The following CHD6 variants were observed in gnomAD, a reference collection of about 807,000 sequenced individuals.
The protein encoded by CHD6 is ATP-dependent chromatin remodeler CHD6.
In CHD6, 50 loss-of-function variants were observed where a neutral mutation model predicts 276.9. That is an observed-to-expected ratio of 0.18 (90% CI 0.14 to 0.23). The LOEUF is 0.23. Among genes scored for constraint, CHD6 ranks in the 10% least tolerant of loss-of-function variants. The pLI is 1.00. For synonymous variants in CHD6, 1,173 were observed against 1,229.3 expected, an observed-to-expected ratio of 0.95 and a Z score of 0.96; for missense variants, 2,564 against 3,365.8, an observed-to-expected ratio of 0.76 and a Z score of 5.89.
At chr20:41,453,212 G>A (rs1374769883) in intron 20 of CHD6, among the ~76,000 whole-genome samples, 1 of 151,950 alleles carries the variant, frequency 6.6e-6, no homozygotes, top group Non-Finnish European at 1.5e-5. Context: ...CCCGGGGTGT[G>A]GGCAGGCAAG....
intron 1 of CHD6, among the ~76,000 whole-genome samples, chr20:41,611,733 G>GT (rs1431858480): frequency 6.6e-6 from 1 of 152,064 alleles, no homozygotes; most frequent in East Asian, 1.9e-4. Context: ...CGCCTCCCCG[G>GT]TTCAAGCGAT....
At chr20:41,509,273 C>T (rs1412759959) in intron 5 of CHD6, among the ~76,000 whole-genome samples, 2 of 152,166 alleles carry the variant, frequency 1.3e-5, no homozygotes, top group African/African-American at 2.4e-5. Flanking sequence ...GCCACTTCAT[C>T]TGAATAGTTC....
At position 41,490,800 on chromosome 20, in the gene CHD6, G is replaced by A. The variant is rs184271130; in HGVS notation, c.1437-779C>T. On this transcript the variant is annotated intron_variant, in intron 11 of 36. Transcript: ENST00000373233. ...TGCACTCCAGCATGGGTGACAGAGCGAGGCTCTGTCTCAACAAAAATAAAA... is the reference window on the plus strand; with the variant it reads ...TGCACTCCAGCATGGGTGACAGAGCAAGGCTCTGTCTCAACAAAAATAAAA... Among the ~76,000 whole-genome samples, 116 of 152,176 alleles carry A rather than the reference G, an allele frequency of 7.6e-4. 2 individuals carry two copies. In the East Asian group the frequency reaches 0.016, roughly 21 times the overall value.
intron 1 of CHD6, among the ~76,000 whole-genome samples, chr20:41,598,418 A>G (rs1242405868): frequency 1.3e-5 from 2 of 152,304 alleles, no homozygotes; most frequent in Admixed American, 6.5e-5. Flanking sequence ...ATGCCTGGCT[A>G]GCACGGATTA....
chr20:41,484,724 C>A, intron 14 of CHD6, 117 bp from the exon 15 acceptor site: 1 of 1,063,824 alleles, frequency 9.4e-7, no homozygotes, highest in Admixed American at 2.2e-5. Flanking sequence ...TGGTAGTAGA[C>A]TAAAAGAAAG....
chr20:41,423,431 A>G (rs1482642107), intron 30 of CHD6, 61 bp downstream of exon 30: 2 of 1,514,252 alleles, frequency 1.3e-6, no homozygotes, highest in African/African-American at 1.4e-5. Flanking sequence ...TAATTCTGCA[A>G]TTTGAAAATC....
Position 41,415,341 on chromosome 20 carries a change from C to T in CHD6, c.6784G>A (p.Ala2262Thr), listed in dbSNP as rs1468930498. The change falls in exon 34 of 37, where the codon GCT becomes ACT. Residue 2262 changes from alanine to threonine, a missense_variant. This residue lies in a region of CHD6 where 1,024 missense variants were observed against 1,047.9 expected (regional missense o/e 0.98). Coordinates refer to ENST00000373233, the MANE Select transcript of CHD6 (RefSeq NM_032221.5). Reference protein sequence around the residue: ...LGMDLSGILQAGLIHPVTGQI... With the variant: ...LGMDLSGILQTGLIHPVTGQI... Reference sequence around the variant, plus strand: ...CCAGTCACAGGATGGATCAGGCCAGCTTGCAGAATCCCAGACAAGTCCATG... The same window carrying T: ...CCAGTCACAGGATGGATCAGGCCAGTTTGCAGAATCCCAGACAAGTCCATG... 6 of 1,614,190 alleles carry T rather than the reference C, an allele frequency of 3.7e-6. No individual in the cohort carries two copies. Among genetic ancestry groups the T allele is most frequent in the Non-Finnish European group, 5.1e-6 (6 of 1,180,022 alleles).
intron 27 of CHD6, among the ~76,000 whole-genome samples, chr20:41,430,328 TTAACTC>T (rs370816791): frequency 1.5e-4 from 23 of 152,324 alleles, no homozygotes; most frequent in African/African-American, 3.6e-4. Flanking sequence ...ATTCCAGAGT[TTAACTC>T]TAATATATAA....
chr20:41,499,213 C>T lies in CHD6; in HGVS notation c.915+82G>A, dbSNP rs372148584. Reference sequence around the variant, plus strand: ...CTCACTCCAGCCAATAATGGTCATTCTAGGTTCTCTAGCCAAAAATCTCTT... The same window carrying T: ...CTCACTCCAGCCAATAATGGTCATTTTAGGTTCTCTAGCCAAAAATCTCTT... On this transcript the variant is annotated intron_variant, in intron 6 of 36. Transcript: ENST00000373233. The T allele has an allele frequency of 8.4e-6, 9 of 1,077,800 alleles. No individual in the cohort carries two copies. The African/African-American group carries it at 1.5e-4, about 17-fold the overall frequency. 66.8% of individuals were successfully genotyped at this position (1,077,800 alleles called of 1,614,324 possible). A position where few individuals can be genotyped will look rare whatever the true frequency, so the allele number is the denominator to read the frequency against.
chr20:41,579,437 C>CAAAAAAAAAAAAAA lies in CHD6; in HGVS notation c.-23-28091_-23-28078dup, dbSNP rs574347177. Among the ~76,000 whole-genome samples the CAAAAAAAAAAAAAA allele has an allele frequency of 8.4e-4, 59 of 69,846 alleles. 1 individual carries two copies. Among genetic ancestry groups the CAAAAAAAAAAAAAA allele is most frequent in the Admixed American group, 1.3e-3 (8 of 6,112 alleles). The allele number at this position is 69,846 out of a possible 152,430, so 45.8% of individuals were successfully genotyped here. On this transcript the variant is annotated intron_variant, in intron 1 of 36. Transcript: ENST00000373233. Reference sequence around the variant, plus strand: ...TGGGCGACAGAGTGAGACTCTGTCTCAAAAAAAAAAAAAAAAAATCTTAAA... The same window carrying CAAAAAAAAAAAAAA: ...TGGGCGACAGAGTGAGACTCTGTCTCAAAAAAAAAAAAAAAAAAAAAAAAAAAAAAAATCTTAAA...
At chr20:41,525,533 C>A (rs2044510396) in intron 3 of CHD6, among the ~76,000 whole-genome samples, 1 of 152,222 alleles carries the variant, frequency 6.6e-6, no homozygotes, top group African/African-American at 2.4e-5. Context: ...CACTGGACTT[C>A]TTTGTCCAGA....
At chr20:41,471,334 C>T (rs1218058278) in intron 17 of CHD6, among the ~76,000 whole-genome samples, 2 of 152,064 alleles carry the variant, frequency 1.3e-5, no homozygotes, top group African/African-American at 4.8e-5. Flanking sequence ...TTAGTTTTTG[C>T]TTATTATTAT....
chr20:41,581,857 C>G (rs1487928377), intron 1 of CHD6, among the ~76,000 whole-genome samples: 1 of 152,198 alleles, frequency 6.6e-6, no homozygotes, highest in Non-Finnish European at 1.5e-5. Context: ...ACTGGAGAAG[C>G]AGAAGACAGC....
chr20:41,595,235 A>G (rs1387905007), intron 1 of CHD6, among the ~76,000 whole-genome samples: 1 of 152,208 alleles, frequency 6.6e-6, no homozygotes, highest in Non-Finnish European at 1.5e-5. Context: ...CAATGTAAGA[A>G]AATCCATGGG....
chr20:41,489,671 C>T lies in CHD6; in HGVS notation c.1680+107G>A, dbSNP rs1054731427. On this transcript the variant is annotated intron_variant, in intron 12 of 36. Coordinates refer to ENST00000373233, the MANE Select transcript of CHD6 (RefSeq NM_032221.5). ...TTGACAAACATATTACAAAGTCATT[C>T]CACATTAATACAAGATGCAGGGCAC... is the stretch of plus-strand genomic sequence containing the variant. 32 of 1,409,142 alleles carry T rather than the reference C, an allele frequency of 2.3e-5. No homozygotes were observed. The South Asian group carries it at 3.9e-4, about 17-fold the overall frequency. 87.3% of individuals were successfully genotyped at this position (1,409,142 alleles called of 1,614,324 possible).
chr20:41,489,669 T>A, intron 12 of CHD6, 109 bp downstream of exon 12: 1 of 1,399,354 alleles, frequency 7.1e-7, no homozygotes, highest in Non-Finnish European at 1.0e-6. Flanking sequence ...TACAAAGTCA[T>A]TCCACATTAA....
rs1202950619 is a variant in CHD6 at position 41,533,301 on chromosome 20, T to G, written c.303A>C (p.Pro101=). The change falls in exon 3 of 37, where the codon CCA becomes CCC. Residue 101 remains proline (P), a synonymous_variant. Coordinates refer to ENST00000373233, the MANE Select transcript of CHD6 (RefSeq NM_032221.5). The part of the protein sequence containing the change: ...GVKKKRKKKE[P]GDQEGAAKGS... ...CCTTTGCTGCACCCTCTTGGTCTCC[T>G]GGCTCCTTTTTCTTCCGTTTCTTCT... The G allele has an allele frequency of 6.2e-7, 1 of 1,614,152 alleles. No individual in the cohort carries two copies. The highest frequency in any genetic ancestry group is 1.7e-5 in the Admixed American group (1 of 60,014).
At chr20:41,502,524 C>G (rs958972142) in intron 5 of CHD6, among the ~76,000 whole-genome samples, 1 of 152,128 alleles carries the variant, frequency 6.6e-6, no homozygotes, top group Admixed American at 6.5e-5. Context: ...GCAATACTAC[C>G]CTGTCTTCAC....
chr20:41,535,480 C>G (rs551463938), intron 2 of CHD6, among the ~76,000 whole-genome samples: 194 of 152,278 alleles, frequency 1.3e-3, no homozygotes, highest in African/African-American at 4.5e-3. Context: ...AAAGCTCACA[C>G]CCAATTCATT....
Sources: gnomAD v4.1 joint callset for allele counts (sites outside exome capture counted in the v4.1 genomes callset) on GRCh38, gnomAD v4.1.1 for gene constraint, gnomAD v4.1.1 regional missense constraint, MANE v1.5 for transcripts, NCBI Gene and HGNC (gene_info 2026-07-23, HGNC 2026-07-21) for gene names.